The following RGS6 variants were observed in gnomAD, a reference collection of about 807,000 sequenced individuals.
RGS6 encodes regulator of G-protein signaling 6.
A neutral mutation model predicts 78.5 loss-of-function variants in RGS6; 30 were observed. The ratio of observed to expected loss-of-function variants is 0.38; its 90% CI spans 0.29 to 0.52. RGS6 has a LOEUF of 0.52. Among genes scored for constraint, RGS6 ranks in the 20% least tolerant of loss-of-function variants. The pLI, the probability that RGS6 is intolerant of heterozygous loss-of-function variation, is 0.85. For synonymous variants in RGS6, 206 were observed against 206.0 expected (o/e 1.00, Z 0.00); for missense variants, 495 against 609.7 (o/e 0.81, Z 1.98).
intron 2 of RGS6, among the ~76,000 whole-genome samples, chr14:72,234,855 T>C (rs1455764982): frequency 2.0e-5 from 3 of 152,172 alleles, no homozygotes; most frequent in Non-Finnish European, 4.4e-5. Flanking sequence ...TTCGTTATTT[T>C]TGTTTTGTGG....
intron 2 of RGS6, among the ~76,000 whole-genome samples, chr14:72,007,734 C>T (rs1474512487): frequency 6.6e-6 from 1 of 152,146 alleles, no homozygotes; most frequent in African/African-American, 2.4e-5. Context: ...TCCCTGGAAG[C>T]TCACAGACAT....
At chr14:72,158,572 C>T (rs1176589455) in intron 2 of RGS6, among the ~76,000 whole-genome samples, 3 of 152,156 alleles carry the variant, frequency 2.0e-5, no homozygotes, top group Non-Finnish European at 4.4e-5. Flanking sequence ...ACCCCCTTCT[C>T]CACCCACCAT....
intron 3 of RGS6, among the ~76,000 whole-genome samples, chr14:72,435,048 T>G (rs1009348635): frequency 6.6e-6 from 1 of 152,242 alleles, no homozygotes. Flanking sequence ...CCTCTAAACT[T>G]CACAGCTGGG....
chr14:72,251,248 G>A (rs1432972036), intron 2 of RGS6, among the ~76,000 whole-genome samples: 1 of 152,226 alleles, frequency 6.6e-6, no homozygotes, highest in Non-Finnish European at 1.5e-5. Context: ...GCGGTCCTCA[G>A]AAGGGTAGAT....
chr14:72,543,940 T>C (rs2097359217), intron 17 of RGS6, among the ~76,000 whole-genome samples: 1 of 152,154 alleles, frequency 6.6e-6, no homozygotes, highest in East Asian at 1.9e-4. Context: ...TTCACCATAT[T>C]GGCCAGGCTG....
intron 3 of RGS6, among the ~76,000 whole-genome samples, chr14:72,377,465 C>T (rs556807776): frequency 6.6e-6 from 1 of 151,946 alleles, no homozygotes; most frequent in East Asian, 1.9e-4. Flanking sequence ...TTTAACACCC[C>T]ACTCTCAGCC....
intron 3 of RGS6, among the ~76,000 whole-genome samples, chr14:72,370,668 A>G (rs1228209481): frequency 6.6e-6 from 1 of 152,208 alleles, no homozygotes; most frequent in African/African-American, 2.4e-5. Context: ...AGGGGCAGGG[A>G]GTATATTGTG....
chr14:72,244,246 T>C (rs2153830003), intron 2 of RGS6, among the ~76,000 whole-genome samples: 1 of 132,048 alleles, frequency 7.6e-6, no homozygotes, highest in East Asian at 2.1e-4. Context: ...TGCTTTTGTT[T>C]TTTATTTGTC....
At chr14:72,178,974 T>C (rs780023781) in intron 2 of RGS6, among the ~76,000 whole-genome samples, 1 of 152,200 alleles carries the variant, frequency 6.6e-6, no homozygotes, top group Non-Finnish European at 1.5e-5. Context: ...TTCTAGACAT[T>C]TATGCACGAC....
chr14:72,525,016 C>A (rs2097100998), intron 15 of RGS6, among the ~76,000 whole-genome samples: 1 of 152,174 alleles, frequency 6.6e-6, no homozygotes, highest in Non-Finnish European at 1.5e-5. Flanking sequence ...CCTTCCAGAC[C>A]TCTGGATTTG....
intron 13 of RGS6, among the ~76,000 whole-genome samples, chr14:72,503,794 G>T (rs7161351): frequency 0.2 from 30,070 of 152,136 alleles, 3,779 homozygotes; most frequent in African/African-American, 0.36. Context: ...CTGATGCTCT[G>T]GTCTTCCAGG....
At chr14:71,960,485 C>T (rs1161248107) in intron 1 of RGS6, among the ~76,000 whole-genome samples, 2 of 152,198 alleles carry the variant, frequency 1.3e-5, no homozygotes, top group East Asian at 1.9e-4. Flanking sequence ...TTTATCAGTT[C>T]CATCATTCAT....
At chr14:72,003,990 C>T in intron 2 of RGS6, among the ~76,000 whole-genome samples, 1 of 152,070 alleles carries the variant, frequency 6.6e-6, no homozygotes, top group Non-Finnish European at 1.5e-5. Flanking sequence ...CCATACTTTG[C>T]CAAACTTTGC....
intron 3 of RGS6, among the ~76,000 whole-genome samples, chr14:72,445,255 A>G (rs1238466322): frequency 2.0e-5 from 3 of 152,206 alleles, no homozygotes; most frequent in African/African-American, 7.2e-5. Flanking sequence ...GTAGTGGTGC[A>G]GTCGGCTTAC....
At chr14:72,516,541 C>T (rs1567032058) in intron 14 of RGS6, among the ~76,000 whole-genome samples, 3 of 152,200 alleles carry the variant, frequency 2.0e-5, no homozygotes, top group African/African-American at 7.2e-5. Context: ...GGGCAGGGGA[C>T]ACCAGATGGC....
rs917921878 is a variant in RGS6, at chr14:72,565,117, T to A, written c.*2650T>A. The A allele has an allele frequency of 1.3e-5, 2 of 152,186 alleles. No homozygotes were observed. Among genetic ancestry groups the A allele is most frequent in the African/African-American group, 4.8e-5 (2 of 41,410 alleles). 9.4% of individuals were successfully genotyped at this position (152,186 alleles called of 1,614,324 possible). ...ACTAGATTAGATGTTTGCAGGCAAT[T>A]CTGTAGCAAAGCAAATTCCCCTACC... On this transcript the variant is annotated 3_prime_UTR_variant, in exon 18 of 18. Transcript: ENST00000553525.
At chr14:72,051,856 T>G (rs1019092049) in intron 2 of RGS6, among the ~76,000 whole-genome samples, 1 of 152,216 alleles carries the variant, frequency 6.6e-6, no homozygotes, top group Non-Finnish European at 1.5e-5. Context: ...CAGAGCGACC[T>G]GACCAAAAAA....
intron 2 of RGS6, among the ~76,000 whole-genome samples, chr14:72,267,525 C>G (rs2059265658): frequency 6.6e-6 from 1 of 152,110 alleles, no homozygotes; most frequent in Non-Finnish European, 1.5e-5. Context: ...GCTGTTCTTG[C>G]CAAAGACCAA....
chr14:72,014,754 T>A (rs1316840619), intron 2 of RGS6, among the ~76,000 whole-genome samples: 2 of 152,206 alleles, frequency 1.3e-5, no homozygotes, highest in Non-Finnish European at 2.9e-5. Flanking sequence ...TTGCGTGTGT[T>A]CTTTCATCTT....
Sources: allele counts gnomAD v4.1 joint callset (sites outside exome capture counted in the v4.1 genomes callset), GRCh38; gene constraint gnomAD v4.1.1; transcripts MANE v1.5; gene names NCBI Gene and HGNC (gene_info 2026-07-23, HGNC 2026-07-21).